The following TMTC1 variants were observed in gnomAD, a reference collection of about 807,000 sequenced individuals.
TMTC1 encodes the protein protein O-mannosyl-transferase TMTC1.
In TMTC1, 73 loss-of-function variants were observed where a neutral mutation model predicts 104.8. That is an observed-to-expected ratio of 0.70 (90% CI 0.58 to 0.85). The LOEUF is 0.85. Ranked by LOEUF, TMTC1 falls within the 40% of genes least tolerant of loss-of-function variation. TMTC1 has a pLI of 0.00. For synonymous variants in TMTC1, 434 were observed against 428.7 expected (o/e 1.01, Z -0.15); for missense variants, 1,035 against 1,096.1 (o/e 0.94, Z 0.79).
At chr12:29,588,980 A>G (rs1946211885) in intron 7 of TMTC1, among the ~76,000 whole-genome samples, 3 of 152,232 alleles carry the variant, frequency 2.0e-5, no homozygotes. Flanking sequence ...AGGAAAAAAA[A>G]TTAAGTTGAA....
At chr12:29,543,356 C>T (rs971626646) in intron 10 of TMTC1, among the ~76,000 whole-genome samples, 2 of 152,136 alleles carry the variant, frequency 1.3e-5, no homozygotes, top group African/African-American at 4.8e-5. Context: ...TTTTTGGATT[C>T]CTGTCTAAAG....
chr12:29,590,235 C>G (rs769364312), intron 7 of TMTC1, among the ~76,000 whole-genome samples: 8 of 151,898 alleles, frequency 5.3e-5, no homozygotes, highest in Non-Finnish European at 1.0e-4. Flanking sequence ...ATTATCAGGC[C>G]CAGAGAAGCA....
At chr12:29,740,459 G>A (rs1942795301) in intron 5 of TMTC1, among the ~76,000 whole-genome samples, 1 of 152,186 alleles carries the variant, frequency 6.6e-6, no homozygotes, top group South Asian at 2.1e-4. Flanking sequence ...CATGCTGGAT[G>A]CTTCCTGCCC....
intron 6 of TMTC1, among the ~76,000 whole-genome samples, chr12:29,622,628 T>C (rs879785822): frequency 2.6e-5 from 4 of 152,238 alleles, no homozygotes; most frequent in Admixed American, 6.5e-5. Flanking sequence ...TGTACATGCA[T>C]TCCCACAGAG....
chr12:29,782,394 G>C (rs776551044), intron 1 of TMTC1, among the ~76,000 whole-genome samples: 2 of 152,166 alleles, frequency 1.3e-5, no homozygotes, highest in Non-Finnish European at 2.9e-5. Context: ...TCCAGAGCAG[G>C]CTTTTCAAGC....
chr12:29,710,134 G>A (rs61743151), intron 5 of TMTC1, among the ~76,000 whole-genome samples: 3,570 of 152,168 alleles, frequency 0.023, 57 homozygotes, highest in Non-Finnish European at 0.033. Flanking sequence ...CTGTTTTCTC[G>A]TTTGTTTCCC....
chr12:29,611,312 G>A (rs1376516905), intron 6 of TMTC1, among the ~76,000 whole-genome samples: 1 of 152,010 alleles, frequency 6.6e-6, no homozygotes, highest in African/African-American at 2.4e-5. Flanking sequence ...AGAATTAAGT[G>A]AGGAGGAATC....
chr12:29,592,311 A>T (rs57602589), intron 7 of TMTC1, among the ~76,000 whole-genome samples: 7,187 of 152,180 alleles, frequency 0.047, 579 homozygotes, highest in African/African-American at 0.16. Flanking sequence ...TGGTTGGAGA[A>T]ATTTTCCAGA....
chr12:29,510,195 C>T (rs891484028), intron 17 of TMTC1, among the ~76,000 whole-genome samples: 6 of 152,144 alleles, frequency 3.9e-5, no homozygotes, highest in Admixed American at 2.0e-4. Context: ...TTCGAGACCA[C>T]AAACCTGTAC....
intron 10 of TMTC1, among the ~76,000 whole-genome samples, chr12:29,548,003 G>C (rs1944985159): frequency 6.6e-6 from 1 of 152,228 alleles, no homozygotes; most frequent in Admixed American, 6.5e-5. Context: ...AGACAGCTGT[G>C]TGAACAGGTG....
At chr12:29,621,933 A>AT (rs1168268511) in intron 6 of TMTC1, among the ~76,000 whole-genome samples, 1 of 151,674 alleles carries the variant, frequency 6.6e-6, no homozygotes, top group Admixed American at 6.6e-5. Context: ...CAGGTTGCAG[A>AT]TTTTTCCCCA....
chr12:29,618,337 C>T (rs995619078), intron 6 of TMTC1, among the ~76,000 whole-genome samples: 1 of 152,142 alleles, frequency 6.6e-6, no homozygotes, highest in Non-Finnish European at 1.5e-5. Context: ...ATATAGATGA[C>T]ACTTTCCTTC....
chr12:29,501,176 T>C lies in TMTC1; in HGVS notation c.*5670A>G, dbSNP rs1282377404. 2.0e-5 allele frequency: 3 copies of C among 152,178 alleles called. No individual in the cohort carries two copies. The highest frequency in any genetic ancestry group is 2.0e-4 in the Admixed American group (3 of 15,278). The allele number at this position is 152,178 out of a possible 1,614,324, so 9.4% of individuals were successfully genotyped here. ...TTCCTTGGGAGGAAGTTTCACCTCA[T>C]CTTTTTTCCCCAGTAAAGTAACAAT... On this transcript the variant is annotated 3_prime_UTR_variant, in exon 18 of 18. Coordinates refer to ENST00000539277, the MANE Select transcript of TMTC1 (RefSeq NM_001193451.2).
intron 5 of TMTC1, among the ~76,000 whole-genome samples, chr12:29,750,374 A>G (rs1943060607): frequency 6.6e-6 from 1 of 152,102 alleles, no homozygotes; most frequent in South Asian, 2.1e-4. Flanking sequence ...CTCTCTTCTG[A>G]GCACTCACAT....
intron 9 of TMTC1, among the ~76,000 whole-genome samples, chr12:29,557,900 G>A (rs73071510): frequency 0.13 from 19,270 of 151,994 alleles, 1,505 homozygotes; most frequent in African/African-American, 0.22. Flanking sequence ...TCCTACTGCA[G>A]TTTGGTTCCA....
chr12:29,759,218 G>A (rs777940462), intron 2 of TMTC1, among the ~76,000 whole-genome samples: 8 of 152,166 alleles, frequency 5.3e-5, no homozygotes, highest in African/African-American at 1.7e-4. Context: ...GAATGGGGCC[G>A]GGCAGGATGG....
intron 7 of TMTC1, among the ~76,000 whole-genome samples, chr12:29,594,783 A>G (rs2136367423): frequency 6.6e-6 from 1 of 152,320 alleles, no homozygotes; most frequent in East Asian, 1.9e-4. Flanking sequence ...TTCCATCCAC[A>G]GAGACACATT....
chr12:29,670,234 G>A (rs542309629), intron 5 of TMTC1, among the ~76,000 whole-genome samples: 1 of 152,200 alleles, frequency 6.6e-6, no homozygotes, highest in Non-Finnish European at 1.5e-5. Context: ...TTAAGCTAGT[G>A]AAAAAGAGTA....
At chr12:29,633,032 T>C (rs1207088554) in intron 6 of TMTC1, 115 bp downstream of exon 6, 8 of 951,580 alleles carry the variant, frequency 8.4e-6, no homozygotes, top group South Asian at 2.2e-5. Context: ...AAAATTTACA[T>C]AGACAAGGAG....
Sources: allele counts gnomAD v4.1 joint callset (sites outside exome capture counted in the v4.1 genomes callset), GRCh38; gene constraint gnomAD v4.1.1; transcripts MANE v1.5; gene names NCBI Gene and HGNC (gene_info 2026-07-23, HGNC 2026-07-21).